BBOF1: variants seen among roughly 807,000 people sequenced by gnomAD.
BBOF1 encodes the protein basal body orientation factor 1.
A neutral mutation model predicts 68.0 loss-of-function variants in BBOF1; 62 were observed. That is an observed-to-expected ratio of 0.91 (90% confidence interval 0.74 to 1.13). The LOEUF is 1.13. Ranked by LOEUF, BBOF1 falls within the 50% of genes most tolerant of loss-of-function variation. BBOF1 has a pLI of 0.00. For synonymous variants in BBOF1, 208 were observed against 198.8 expected (o/e 1.05, Z -0.39); for missense variants, 534 against 600.1 (o/e 0.89, Z 1.15).
intron 2 of BBOF1, among the ~76,000 whole-genome samples, chr14:74,023,440 T>C (rs183763767): frequency 2.0e-5 from 3 of 152,332 alleles, no homozygotes; most frequent in Admixed American, 2.0e-4. Context: ...TGGTATGTGA[T>C]CTATATATTT....
At chr14:74,068,655 A>G (rs2060506061), downstream of BBOF1, among the ~76,000 whole-genome samples, 1 of 151,960 alleles carries the variant, frequency 6.6e-6, no homozygotes, top group South Asian at 2.1e-4. Context: ...AGGCAGGAGA[A>G]TCGCTTGAAC....
Position 74,047,939 on chromosome 14 carries a change from C to T in BBOF1, c.657C>T (p.Asn219=), listed in dbSNP as rs779825502. The T allele has an allele frequency of 1.9e-5, 30 of 1,602,372 alleles. No homozygotes were observed. The highest frequency in any genetic ancestry group is 3.4e-5 in the South Asian group (3 of 88,164). Residue 219 remains asparagine (N), a synonymous_variant, in exon 7 of 12, where the codon AAC becomes AAT. Coordinates refer to ENST00000394009, the MANE Select transcript of BBOF1 (RefSeq NM_025057.3). ...CTTATATCTATTTCAGGCAATTGAA[C>T]GATGCTGGAAGAAATGTTTTTAAAG... The part of the protein sequence containing the change: ...RAHHEAIVQL[N]DAGRNVFKEN...
chr14:74,045,924 C>T, intron 5 of BBOF1, 136 bp from the exon 6 acceptor site: 1 of 659,742 alleles, frequency 1.5e-6, no homozygotes, highest in Non-Finnish European at 2.5e-6. Flanking sequence ...TTGTCAGCTT[C>T]TCCACCAGTG....
In BBOF1 at chr14:74,065,714, T is replaced by C; in HGVS notation, c.*1015T>C. On this transcript the variant is annotated 3_prime_UTR_variant, in exon 12 of 12. Transcript: ENST00000394009. ...TACATGAAAATTTATTTTTTATAAA[T>C]CCAATCTATAGTAAATATACCAGGA... 1 of 277,786 alleles carries C rather than the reference T, an allele frequency of 3.6e-6. No individual in the cohort carries two copies. The highest frequency in any genetic ancestry group is 3.9e-5 in the South Asian group (1 of 25,740). 17.2% of individuals were successfully genotyped at this position (277,786 alleles called of 1,614,324 possible).
intron 9 of BBOF1, chr14:74,072,621 A>T: frequency 6.5e-7 from 1 of 1,540,984 alleles, no homozygotes; most frequent in Non-Finnish European, 8.7e-7. Context: ...GCTGAAAAAA[A>T]CAAACAAACA....
At chr14:74,057,705 A>G (rs2060249599) in intron 11 of BBOF1, 1 of 1,245,164 alleles carries the variant, frequency 8.0e-7, no homozygotes, top group East Asian at 5.7e-5. Context: ...GTTATTCATA[A>G]TTAGTACAAT....
chr14:74,075,187 G>T (rs1278464718), intron 9 of BBOF1, among the ~76,000 whole-genome samples: 2 of 152,040 alleles, frequency 1.3e-5, no homozygotes, highest in Non-Finnish European at 2.9e-5. Flanking sequence ...AGCAAACTAT[G>T]AACAAACAAT....
At chr14:74,058,448 G>GAAAAAAAA (rs138897281) in intron 11 of BBOF1, 4 of 110,022 alleles carry the variant, frequency 3.6e-5, no homozygotes, top group Non-Finnish European at 4.0e-5. Flanking sequence ...TAGGAAAGCA[G>GAAAAAAAA]AAAAAAAAAA....
At chr14:74,038,283 A>T (rs1044381338) in intron 4 of BBOF1, among the ~76,000 whole-genome samples, 9 of 152,224 alleles carry the variant, frequency 5.9e-5, no homozygotes, top group Non-Finnish European at 8.8e-5. Flanking sequence ...TTTATATGAA[A>T]ATGCTGTAGA....
chr14:74,027,378 C>T (rs36098732), intron 2 of BBOF1, among the ~76,000 whole-genome samples: 15,170 of 138,852 alleles, frequency 0.11, 1,225 homozygotes, highest in Admixed American at 0.17. Context: ...TGAGCCACCT[C>T]GCCCAGCTTT....
chr14:74,045,284 A>G (rs2059924587), intron 5 of BBOF1, among the ~76,000 whole-genome samples: 1 of 151,434 alleles, frequency 6.6e-6, no homozygotes, highest in South Asian at 2.1e-4. Context: ...CAGTCTGGTA[A>G]TTATTAATGC....
chr14:74,042,567 C>A (rs1277391544), intron 5 of BBOF1, among the ~76,000 whole-genome samples: 1 of 152,194 alleles, frequency 6.6e-6, no homozygotes, highest in Non-Finnish European at 1.5e-5. Flanking sequence ...GAGGCTCCAG[C>A]TGTGTCTGTC....
chr14:74,025,911 G>C (rs1477932731), intron 2 of BBOF1, among the ~76,000 whole-genome samples: 1 of 151,066 alleles, frequency 6.6e-6, no homozygotes, highest in Non-Finnish European at 1.5e-5. Flanking sequence ...GGGGTGGGGG[G>C]GGTGCATCAC....
At chr14:74,071,474 C>A (rs767706541) in intron 9 of BBOF1, 1 of 1,614,068 alleles carries the variant, frequency 6.2e-7, no homozygotes, top group East Asian at 2.2e-5. Context: ...AGGGATGTCA[C>A]ACTACAGGCA....
intron 6 of BBOF1, among the ~76,000 whole-genome samples, chr14:74,047,407 C>CTTTA (rs61067400): frequency 0.23 from 33,214 of 145,324 alleles, 4,209 homozygotes; most frequent in East Asian, 0.53. Flanking sequence ...TCCTTTTTCA[C>CTTTA]TTTATTTATT....
downstream of BBOF1, among the ~76,000 whole-genome samples, chr14:74,069,936 C>T (rs987550631): frequency 6.7e-6 from 1 of 148,838 alleles, no homozygotes; most frequent in African/African-American, 2.5e-5. Context: ...ACTGCAACCT[C>T]TGTTTGCCAG....
intron 11 of BBOF1, among the ~76,000 whole-genome samples, chr14:74,064,025 C>T (rs1366603285): frequency 6.6e-6 from 1 of 151,316 alleles, no homozygotes; most frequent in Non-Finnish European, 1.5e-5. Flanking sequence ...ACAGACCGGG[C>T]AGAGTGGCTC....
intron 3 of BBOF1, among the ~76,000 whole-genome samples, chr14:74,032,489 CTT>C (rs201835078): frequency 2.3e-5 from 3 of 133,220 alleles, no homozygotes; most frequent in Admixed American, 7.8e-5. Context: ...ACGTTTCTCT[CTT>C]TTTTTTTTTT....
downstream of BBOF1, chr14:74,067,631 T>G (rs753837621): frequency 1.3e-5 from 20 of 1,564,404 alleles, no homozygotes; most frequent in Non-Finnish European, 1.8e-5. Flanking sequence ...AGCTAAGAAA[T>G]TAAGCAGTGG....
Sources: allele counts gnomAD v4.1 joint callset (sites outside exome capture counted in the v4.1 genomes callset), GRCh38; gene constraint gnomAD v4.1.1; transcripts MANE v1.5; gene names NCBI Gene and HGNC (gene_info 2026-07-23, HGNC 2026-07-21).